The following VPS4B variants were observed in gnomAD, a reference collection of about 807,000 sequenced individuals.
VPS4B encodes the protein vacuolar protein sorting-associated protein 4B.
In VPS4B, 23 loss-of-function variants were observed where a neutral mutation model predicts 56.1. That is an observed-to-expected ratio of 0.41 (90% CI 0.30 to 0.58). The LOEUF (loss-of-function observed/expected upper bound fraction) is 0.58. VPS4B is among the 20% of genes least tolerant of loss of function. VPS4B has a pLI of 0.29. For synonymous variants in VPS4B, 177 were observed against 186.0 expected, an observed-to-expected ratio of 0.95 and a Z score of 0.39; for missense variants, 372 against 531.9, an observed-to-expected ratio of 0.70 and a Z score of 2.96.
rs377544798 is a variant in VPS4B, at chr18:63,402,688, T to C, written c.484+1019A>G. Among the ~76,000 whole-genome samples, 19 of 152,330 alleles carry C rather than the reference T, an allele frequency of 1.2e-4. No homozygotes were observed. The South Asian group carries it at 3.9e-3, about 32-fold the overall frequency. ...GTTTGAGAAAAAGTGGTATAAGTAA[T>C]ATACCATAAAATGAGTTCAACCATA... On this transcript the variant is annotated intron_variant, in intron 5 of 10. Coordinates refer to ENST00000238497, the MANE Select transcript of VPS4B (RefSeq NM_004869.4).
chr18:63,410,119 T>C lies in VPS4B; in HGVS notation c.296+171A>G, dbSNP rs558878775. Among the ~76,000 whole-genome samples the C allele has an allele frequency of 2.6e-5, 4 of 152,204 alleles. No individual in the cohort carries two copies. The East Asian group carries it at 7.7e-4, about 29-fold the overall frequency. ...GCACGAAAGCAGCCCTAGACAACAA[T>C]ATGTAAAAGAATGGGCACGGCTGTG... On this transcript the variant is annotated intron_variant, in intron 3 of 10. Coordinates refer to ENST00000238497, the MANE Select transcript of VPS4B (RefSeq NM_004869.4).
intron 5 of VPS4B, 24 bp from the exon 6 acceptor site, chr18:63,400,727 G>A (rs748795969): frequency 2.5e-5 from 40 of 1,586,206 alleles, no homozygotes; most frequent in East Asian, 1.3e-4. Flanking sequence ...TTAGAAAAAT[G>A]TCATGAGAAT....
At position 63,397,234 on chromosome 18, in the gene VPS4B, T is replaced by C; in HGVS notation, c.892A>G (p.Ile298Val). The C allele has an allele frequency of 6.2e-7, 1 of 1,600,596 alleles. No homozygotes were observed. Among genetic ancestry groups the C allele is most frequent in the Non-Finnish European group, 8.5e-7 (1 of 1,174,314 alleles). Reference protein sequence around the residue: ...IRRRFEKRIYIPLPEPHARAA... With the variant: ...IRRRFEKRIYVPLPEPHARAA... ...CGGGCATGGGGTTCCGGCAAGGGAATATAAATTCGTTTCTCAAATCTTAAA... is the reference window on the plus strand; with the variant it reads ...CGGGCATGGGGTTCCGGCAAGGGAACATAAATTCGTTTCTCAAATCTTAAA... Residue 298 changes from isoleucine (I) to valine (V), a missense_variant, in exon 9 of 11, where the codon ATT becomes GTT. Physicochemically the swap from Ile to Val is conservative, Grantham distance 29. Coordinates refer to ENST00000238497, the MANE Select transcript of VPS4B (RefSeq NM_004869.4).
intron 1 of VPS4B, 137 bp downstream of exon 1, chr18:63,422,096 T>A (rs1055757191): frequency 2.1e-6 from 2 of 953,048 alleles, no homozygotes; most frequent in Non-Finnish European, 2.9e-6. Context: ...TCCCACCTGC[T>A]GCAGGTCCCC....
At chr18:63,399,883 G>A (rs1403032967) in intron 7 of VPS4B, among the ~76,000 whole-genome samples, 165 bp downstream of exon 7, 3 of 152,130 alleles carry the variant, frequency 2.0e-5, no homozygotes, top group Non-Finnish European at 2.9e-5. Flanking sequence ...GCCGGGCATG[G>A]TGGTGCGCGC....
chr18:63,398,301 G>A (rs1186362045), intron 8 of VPS4B, among the ~76,000 whole-genome samples: 3 of 151,346 alleles, frequency 2.0e-5, no homozygotes, highest in African/African-American at 4.9e-5. Flanking sequence ...TGCAACCTCC[G>A]CCTCCTGGGC....
intron 1 of VPS4B, among the ~76,000 whole-genome samples, chr18:63,421,211 A>C (rs1304189942): frequency 6.6e-6 from 1 of 152,166 alleles, no homozygotes; most frequent in Non-Finnish European, 1.5e-5. Context: ...AGTCCCAAGC[A>C]AGCCTCCTTT....
rs1916044132 is a variant in VPS4B, at chr18:63,411,490, T to C, written c.116A>G (p.Gln39Arg). ...EALQLYQHAV[Q>R]YFLHVVKYEA... ...ACATTTAACGACATGAAGAAAATACTGCACAGCATGCTGATAGAGCTGAAG... is the reference window on the plus strand; with the variant it reads ...ACATTTAACGACATGAAGAAAATACCGCACAGCATGCTGATAGAGCTGAAG... The change falls in exon 2 of 11, where the codon CAG (glutamine) becomes CGG (arginine). Residue 39 changes from glutamine (Q) to arginine (R), a missense_variant. Coordinates refer to ENST00000238497, the MANE Select transcript of VPS4B (RefSeq NM_004869.4). 1 of 1,586,684 alleles carries C rather than the reference T, an allele frequency of 6.3e-7. No homozygotes were observed. Among genetic ancestry groups the C allele is most frequent in the Non-Finnish European group, 8.6e-7 (1 of 1,166,818 alleles).
chr18:63,393,231 T>A (rs1915594832), intron 10 of VPS4B, among the ~76,000 whole-genome samples, 178 bp downstream of exon 10: 1 of 152,208 alleles, frequency 6.6e-6, no homozygotes, highest in African/African-American at 2.4e-5. Context: ...GAAAATAGTT[T>A]AAAAATAATG....
At chr18:63,417,437 T>C (rs1339377771) in intron 1 of VPS4B, among the ~76,000 whole-genome samples, 1 of 152,150 alleles carries the variant, frequency 6.6e-6, no homozygotes, top group Non-Finnish European at 1.5e-5. Flanking sequence ...TCTTGGACAC[T>C]GTCCTCTGCT....
intron 9 of VPS4B, among the ~76,000 whole-genome samples, chr18:63,394,361 T>C (rs1441679290): frequency 6.6e-6 from 1 of 152,258 alleles, no homozygotes; most frequent in Admixed American, 6.5e-5. Flanking sequence ...CATTTTATCA[T>C]GTACAACTTA....
At chr18:63,419,390 C>T (rs1429478376) in intron 1 of VPS4B, among the ~76,000 whole-genome samples, 1 of 151,816 alleles carries the variant, frequency 6.6e-6, no homozygotes, top group African/African-American at 2.4e-5. Flanking sequence ...GCACTCCTGC[C>T]TGGGCAATAG....
chr18:63,394,612 G>A (rs183008222), intron 9 of VPS4B, among the ~76,000 whole-genome samples: 148 of 152,144 alleles, frequency 9.7e-4, no homozygotes, highest in African/African-American at 3.4e-3. Context: ...GATTATAGGC[G>A]CCCGCCCTGA....
In VPS4B at chr18:63,390,854, G is replaced by T; in HGVS notation, c.*121C>A. On this transcript the variant is annotated 3_prime_UTR_variant, in exon 11 of 11. Transcript: ENST00000238497. Reference sequence around the variant, plus strand: ...ATATAAAACCTAATGGAACTCTGAAGTGAGATGTGTATTTCCCTGTGGTAA... The same window carrying T: ...ATATAAAACCTAATGGAACTCTGAATTGAGATGTGTATTTCCCTGTGGTAA... The T allele has an allele frequency of 1.6e-6, 1 of 636,794 alleles. No individual in the cohort carries two copies. The highest frequency in any genetic ancestry group is 2.0e-5 in the South Asian group (1 of 50,326). The allele number at this position is 636,794 out of a possible 1,614,324, so 39.4% of individuals were successfully genotyped here.
rs768043383 is a variant in VPS4B at position 63,390,979 on chromosome 18, C to G, written c.1331G>C (p.Gly444Ala). The part of the protein sequence containing the change: ...KKFTEDFGQE[G>A] ...AGCATCTTCCTTGTCTTTGGCTTAG[C>G]CTTCTTGACCAAAATCTTCTGTAAA... Residue 444 changes from glycine to alanine, a missense_variant, in exon 11 of 11, where the codon GGC becomes GCC. Around this residue, in one of 3 missense-constraint regions of VPS4B, gnomAD observed 153 missense variants for 190.9 expected, o/e 0.80. Coordinates refer to ENST00000238497, the MANE Select transcript of VPS4B (RefSeq NM_004869.4). 1.9e-6 allele frequency: 3 copies of G among 1,605,202 alleles called. No individual in the cohort carries two copies. Among genetic ancestry groups the G allele is most frequent in the South Asian group, 1.1e-5 (1 of 90,792 alleles).
At chr18:63,399,422 A>C in intron 7 of VPS4B, 99 bp from the exon 8 acceptor site, 1 of 1,032,546 alleles carries the variant, frequency 9.7e-7, no homozygotes, top group Non-Finnish European at 1.5e-6. Context: ...TTTACCATTA[A>C]AGTGCTTCAT....
chr18:63,411,511 T>C lies in VPS4B; in HGVS notation c.95A>G (p.Gln32Arg). ...ATACTGCACAGCATGCTGATAGAGC[T>C]GAAGGGCTTCTTCGTAGTTCCCAGC... is the stretch of plus-strand genomic sequence containing the variant. ...DKAGNYEEAL[Q>R]LYQHAVQYFL... Residue 32 changes from glutamine (Q) to arginine (R), a missense_variant, in exon 2 of 11, where the codon CAG (glutamine) becomes CGG (arginine). Transcript: ENST00000238497. The C allele has an allele frequency of 6.2e-7, 1 of 1,604,830 alleles. No homozygotes were observed. Among genetic ancestry groups the C allele is most frequent in the Non-Finnish European group, 8.5e-7 (1 of 1,175,020 alleles).
chr18:63,409,476 G>A (rs1267050894), intron 3 of VPS4B, among the ~76,000 whole-genome samples: 2 of 152,188 alleles, frequency 1.3e-5, no homozygotes, highest in Admixed American at 1.3e-4. Context: ...AAGCAGGCCA[G>A]ATAACTCCAT....
chr18:63,400,232 ATAG>A, intron 6 of VPS4B, 36 bp from the exon 7 acceptor site: 1 of 1,557,776 alleles, frequency 6.4e-7, no homozygotes, highest in Non-Finnish European at 8.6e-7. Flanking sequence ...TCTCTAAAAA[ATAG>A]TAAAAGATTA....
Sources: allele counts gnomAD v4.1 joint callset (sites outside exome capture counted in the v4.1 genomes callset), GRCh38; gene constraint gnomAD v4.1.1; regional missense constraint gnomAD v4.1.1; transcripts MANE v1.5; gene names NCBI Gene and HGNC (gene_info 2026-07-23, HGNC 2026-07-21).